HOXA6: variants seen among roughly 807,000 people sequenced by gnomAD.
The protein encoded by HOXA6 is homeobox A6.
HOXA6 carries 19 observed loss-of-function variants against 23.2 expected under a neutral mutation model. That is an observed-to-expected ratio of 0.82 (90% CI 0.57 to 1.20). HOXA6 has a LOEUF of 1.20. Among genes scored for constraint, HOXA6 ranks in the 50% most tolerant of loss-of-function variants. HOXA6 has a pLI of 0.00. For missense variants in HOXA6, 346 were observed against 313.6 expected (o/e 1.10, Z -0.78); for synonymous variants, 140 against 132.6 (o/e 1.06, Z -0.38).
At chr7:27,146,113 C>A (rs1053223845) in intron 1 of HOXA6, among the ~76,000 whole-genome samples, 196 bp from the exon 2 acceptor site, 1 of 152,192 alleles carries the variant, frequency 6.6e-6, no homozygotes, top group African/African-American at 2.4e-5. Context: ...CCACCTATAA[C>A]GACTTGGGGT....
In HOXA6 at chr7:27,147,482, G is replaced by A. The variant is rs145294674; in HGVS notation, c.268C>T (p.Pro90Ser). The A allele has an allele frequency of 9.9e-6, 16 of 1,614,070 alleles. No homozygotes were observed. In the African/African-American group the frequency reaches 2.0e-4, roughly 20 times the overall value. ...YSDKDLSGAS[P>S]SGSGKQRGPG... The stretch of plus-strand genomic sequence containing the variant: ...CCCCTCTGCTTGCCACTGCCCGAGG[G>A]CGAGGCGCCACTGAGGTCCTTATCA... Residue 90 changes from proline to serine, a missense_variant, in exon 1 of 2, where the codon CCC (proline) becomes TCC (serine). Pro to Ser is a moderately conservative substitution (Grantham distance 74, BLOSUM62 -1). Coordinates refer to ENST00000222728, the MANE Select transcript of HOXA6 (RefSeq NM_024014.4).
chr7:27,147,110 C>T (rs1047663941), intron 1 of HOXA6, 198 bp downstream of exon 1: 1 of 616,466 alleles, frequency 1.6e-6, no homozygotes, highest in South Asian at 2.1e-5. Context: ...GACACTGGGG[C>T]CTTGCCCTTC....
At chr7:27,147,088 T>TCAGC (rs1782793871) in intron 1 of HOXA6, 2 of 589,696 alleles carry the variant, frequency 3.4e-6, no homozygotes, top group Non-Finnish European at 6.0e-6. Flanking sequence ...CCCTAAGGTG[T>TCAGC]CAGCTTACAT....
Position 27,147,616 on chromosome 7 carries a change from G to T in HOXA6, c.134C>A (p.Ser45Ter), listed in dbSNP as rs765854235. Residue 45 changes from serine (S) to a stop codon, truncating the protein, a stop_gained, in exon 1 of 2, where the codon TCG becomes TAG. Transcript: ENST00000222728. LOFTEE classifies it high-confidence loss of function. ...LRPFPASYGA[S>*]SLPDKTYTSP... ...GGTGTACGTCTTGTCCGGGAGACTC[G>T]ACGCCCCGTACGAGGCCGGGAAGGG... The T allele has an allele frequency of 6.2e-7, 1 of 1,614,216 alleles. No individual in the cohort carries two copies. The highest frequency in any genetic ancestry group is 1.1e-5 in the South Asian group (1 of 91,076).
chr7:27,146,036 C>T, intron 1 of HOXA6, 119 bp from the exon 2 acceptor site: 2 of 1,177,316 alleles, frequency 1.7e-6, no homozygotes, highest in Non-Finnish European at 2.4e-6. Flanking sequence ...ACTCCAGCCT[C>T]TCCCACTATG....
chr7:27,146,251 T>TTGTGTGTG (rs10685970), intron 1 of HOXA6, among the ~76,000 whole-genome samples: 5 of 149,112 alleles, frequency 3.4e-5, no homozygotes, highest in Admixed American at 6.7e-5. Flanking sequence ...GTGTGTGTGT[T>TTGTGTGTG]TGTGTGTGTG....
Position 27,147,583 on chromosome 7 carries a change from C to A in HOXA6, c.167G>T (p.Cys56Phe), listed in dbSNP as rs1782819766. 3 of 1,614,226 alleles carry A rather than the reference C, an allele frequency of 1.9e-6. No homozygotes were observed. The South Asian group carries it at 3.3e-5, about 18-fold the overall frequency. ...GACCGAGTTGGACTGTTGGTAGAAA[C>A]AAGGTGAGGTGTACGTCTTGTCCGG... Reference protein sequence around the residue: ...SLPDKTYTSPCFYQQSNSVLA... With the variant: ...SLPDKTYTSPFFYQQSNSVLA... Residue 56 changes from cysteine to phenylalanine, a missense_variant, in exon 1 of 2, where the codon TGT becomes TTT. Cys to Phe is a radical substitution (Grantham distance 205, BLOSUM62 -2). Transcript: ENST00000222728.
At position 27,147,681 on chromosome 7, in the gene HOXA6, G is replaced by A. The variant is rs149022222; in HGVS notation, c.69C>T (p.Gly23=). The part of the protein sequence containing the change: ...SLPSGQDSFL[G]QLPLYQAGYD... ...AGCCAGCCTGGTAGAGGGGCAGCTGGCCCAAGAAGGAGTCCTGGCCGCTGG... is the reference window on the plus strand; with the variant it reads ...AGCCAGCCTGGTAGAGGGGCAGCTGACCCAAGAAGGAGTCCTGGCCGCTGG... The change falls in exon 1 of 2, where the codon GGC becomes GGT. Residue 23 remains glycine (G), a synonymous_variant. Transcript: ENST00000222728. 2.8e-5 allele frequency: 45 copies of A among 1,613,812 alleles called. No individual in the cohort carries two copies. In the African/African-American group the frequency reaches 3.1e-4, roughly 11 times the overall value.
chr7:27,147,493 C>A lies in HOXA6; in HGVS notation c.257G>T (p.Ser86Ile), dbSNP rs1417504395. 1.2e-6 allele frequency: 2 copies of A among 1,614,094 alleles called. No homozygotes were observed. Among genetic ancestry groups the A allele is most frequent in the Non-Finnish European group, 1.7e-6 (2 of 1,180,012 alleles). The change falls in exon 1 of 2, where the codon AGT becomes ATT. Residue 86 changes from serine to isoleucine, a missense_variant. Coordinates refer to ENST00000222728, the MANE Select transcript of HOXA6 (RefSeq NM_024014.4). ...ASCFYSDKDL[S>I]GASPSGSGKQ... The stretch of plus-strand genomic sequence containing the variant: ...GCCACTGCCCGAGGGCGAGGCGCCA[C>A]TGAGGTCCTTATCAGAATAGAAACA...
In HOXA6 at chr7:27,145,414, C is replaced by G; in HGVS notation, c.*244G>C. Reference sequence around the variant, plus strand: ...GCGGGACTGGGTGTGTGCAGTGCGCCCCGCTCCACCGCTGGTATTGGCTGT... The same window carrying G: ...GCGGGACTGGGTGTGTGCAGTGCGCGCCGCTCCACCGCTGGTATTGGCTGT... On this transcript the variant is annotated 3_prime_UTR_variant, in exon 2 of 2. Coordinates refer to ENST00000222728, the MANE Select transcript of HOXA6 (RefSeq NM_024014.4). 1.7e-6 allele frequency: 1 copy of G among 603,132 alleles called. No individual in the cohort carries two copies. The highest frequency in any genetic ancestry group is 2.9e-6 in the Non-Finnish European group (1 of 350,402). The allele number at this position is 603,132 out of a possible 1,614,324, so 37.4% of individuals were successfully genotyped here. A position where few individuals can be genotyped will look rare whatever the true frequency, so the allele number is the denominator to read the frequency against.
Position 27,145,463 on chromosome 7 carries a change from T to G in HOXA6, c.*195A>C. ...GTGTGTGAGGTTTTGTTTTGTTTTG[T>G]TTTGTTTTGTTTTGTTTTGTTTTGT... On this transcript the variant is annotated 3_prime_UTR_variant, in exon 2 of 2. Coordinates refer to ENST00000222728, the MANE Select transcript of HOXA6 (RefSeq NM_024014.4). 1.0e-5 allele frequency: 7 copies of G among 671,310 alleles called. No individual in the cohort carries two copies. The highest frequency in any genetic ancestry group is 1.2e-5 in the Non-Finnish European group (5 of 411,612). The allele number at this position is 671,310 out of a possible 1,614,324, so 41.6% of individuals were successfully genotyped here.
Position 27,145,452 on chromosome 7 carries a change from GTTTTGTTTTGTTTT to G in HOXA6, c.*192_*205del, listed in dbSNP as rs1562730691. On this transcript the variant is annotated 3_prime_UTR_variant, in exon 2 of 2. Coordinates refer to ENST00000222728, the MANE Select transcript of HOXA6 (RefSeq NM_024014.4). Reference sequence around the variant, plus strand: ...TGGTATTGGCTGTGTGTGAGGTTTTGTTTTGTTTTGTTTTGTTTTGTTTTGTTTTGTTTTGTTTT... The same window carrying G: ...TGGTATTGGCTGTGTGTGAGGTTTTGGTTTTGTTTTGTTTTGTTTTGTTTT... 731 of 558,022 alleles carry G rather than the reference GTTTTGTTTTGTTTT, an allele frequency of 1.3e-3. 10 individuals are homozygous for G. Among genetic ancestry groups the G allele is most frequent in the South Asian group, 2.8e-3 (131 of 47,272 alleles). The allele number at this position is 558,022 out of a possible 1,614,324, so 34.6% of individuals were successfully genotyped here.
At position 27,147,458 on chromosome 7, in the gene HOXA6, C is replaced by G. The variant is rs900226937; in HGVS notation, c.292G>C (p.Gly98Arg). 17 of 1,614,086 alleles carry G rather than the reference C, an allele frequency of 1.1e-5. No individual in the cohort carries two copies. The Admixed American group carries it at 2.5e-4, about 24-fold the overall frequency. ...GAAAAGTGCAGGTAGTCCCCGGGGC[C>G]CCTCTGCTTGCCACTGCCCGAGGGC... ...ASPSGSGKQR[G>R]PGDYLHFSPE... The change falls in exon 1 of 2, where the codon GGC becomes CGC. Residue 98 changes from glycine to arginine, a missense_variant. Physicochemically the swap from Gly to Arg is moderately radical, Grantham distance 125 (BLOSUM62 -2). Transcript: ENST00000222728.
chr7:27,147,554 C>T lies in HOXA6; in HGVS notation c.196G>A (p.Ala66Thr). 1 of 1,614,202 alleles carries T rather than the reference C, an allele frequency of 6.2e-7. No individual in the cohort carries two copies. Among genetic ancestry groups the T allele is most frequent in the South Asian group, 1.1e-5 (1 of 91,082 alleles). ...CFYQQSNSVLACNRASYEYGA... is the reference protein window; with the variant it reads ...CFYQQSNSVLTCNRASYEYGA... Reference sequence around the variant, plus strand: ...TACTCGTAGGACGCCCGGTTGCAGGCCAGGACCGAGTTGGACTGTTGGTAG... The same window carrying T: ...TACTCGTAGGACGCCCGGTTGCAGGTCAGGACCGAGTTGGACTGTTGGTAG... The change falls in exon 1 of 2, where the codon GCC (alanine) becomes ACC (threonine). Residue 66 changes from alanine (A) to threonine (T), a missense_variant. Transcript: ENST00000222728.
intron 1 of HOXA6, 107 bp downstream of exon 1, chr7:27,147,201 T>A (rs1257264647): frequency 8.6e-7 from 1 of 1,165,000 alleles, no homozygotes; most frequent in Non-Finnish European, 1.2e-6. Context: ...GCTGGTTCTT[T>A]CATCCTTTCT....
Position 27,145,472 on chromosome 7 carries a change from G to GTT in HOXA6, c.*184_*185dup. 1.3e-6 allele frequency: 1 copy of GTT among 746,396 alleles called. No homozygotes were observed. Among genetic ancestry groups the GTT allele is most frequent in the Non-Finnish European group, 2.2e-6 (1 of 457,018 alleles). The allele number at this position is 746,396 out of a possible 1,614,324, so 46.2% of individuals were successfully genotyped here. A position where few individuals can be genotyped will look rare whatever the true frequency, so the allele number is the denominator to read the frequency against. On this transcript the variant is annotated 3_prime_UTR_variant, in exon 2 of 2. Coordinates refer to ENST00000222728, the MANE Select transcript of HOXA6 (RefSeq NM_024014.4). ...GTTTTGTTTTGTTTTGTTTTGTTTT[G>GTT]TTTTGTTTTGTTTTGTTTTGTTTTG...
At chr7:27,147,120 C>T in intron 1 of HOXA6, 188 bp downstream of exon 1, 1 of 638,392 alleles carries the variant, frequency 1.6e-6, no homozygotes, top group East Asian at 2.7e-5. Flanking sequence ...CCTTGCCCTT[C>T]CTCTGCCATG....
rs1365704010 is a variant in HOXA6, at chr7:27,145,766, C to T, written c.594G>A (p.Gln198=). 16 of 1,614,236 alleles carry T rather than the reference C, an allele frequency of 9.9e-6. No individual in the cohort carries two copies. The highest frequency in any genetic ancestry group is 1.3e-5 in the Non-Finnish European group (15 of 1,180,048). Reference sequence around the variant, plus strand: ...GGCGGTTCTGGAACCAGATCTTGATCTGGCGCTCGGTGAGGCAGAGCGCGT... The same window carrying T: ...GGCGGTTCTGGAACCAGATCTTGATTTGGCGCTCGGTGAGGCAGAGCGCGT... ...IANALCLTER[Q]IKIWFQNRRM... Residue 198 remains glutamine, a synonymous_variant, in exon 2 of 2, where the codon CAG becomes CAA. Transcript: ENST00000222728.
rs1265680123 is a variant in HOXA6 at position 27,145,526 on chromosome 7, AG to A, written c.*131del. On this transcript the variant is annotated 3_prime_UTR_variant, in exon 2 of 2. Coordinates refer to ENST00000222728, the MANE Select transcript of HOXA6 (RefSeq NM_024014.4). ...GAAATAAATGCACAGACGCTTGCAA[AG>A]CTCCGGGCTCCCCTGAAGCTGCGGA... is the stretch of plus-strand genomic sequence containing the variant. 5 of 1,073,120 alleles carry A rather than the reference AG, an allele frequency of 4.7e-6. No individual in the cohort carries two copies. The African/African-American group carries it at 7.9e-5, about 17-fold the overall frequency. The allele number at this position is 1,073,120 out of a possible 1,614,324, so 66.5% of individuals were successfully genotyped here.
Sources: allele counts gnomAD v4.1 joint callset (sites outside exome capture counted in the v4.1 genomes callset), GRCh38; gene constraint gnomAD v4.1.1; transcripts MANE v1.5; gene names NCBI Gene and HGNC (gene_info 2026-07-23, HGNC 2026-07-21).